SPIDR: variants seen among roughly 807,000 people sequenced by gnomAD.
SPIDR encodes the protein scaffold protein involved in DNA repair, also known as DNA repair-scaffolding protein.
In SPIDR, 93 loss-of-function variants were observed where a neutral mutation model predicts 104.6. The observed-to-expected ratio is 0.89, with a 90% confidence interval of 0.75 to 1.06. The LOEUF (loss-of-function observed/expected upper bound fraction) is 1.06, where lower values mean the gene tolerates loss of function less well. SPIDR is among the 50% of genes least tolerant of loss of function. The probability of loss-of-function intolerance (pLI) is 0.00; values close to 1 mark genes in which losing one functional copy is unlikely to be tolerated. For missense variants in SPIDR, 1,154 were observed against 1,111.2 expected (o/e 1.04, Z -0.55); for synonymous variants, 431 against 416.9 (o/e 1.03, Z -0.41).
intron 8 of SPIDR, among the ~76,000 whole-genome samples, chr8:47,489,532 C>G (rs532500602): frequency 5.3e-5 from 8 of 152,226 alleles, no homozygotes; most frequent in Admixed American, 5.2e-4. Context: ...CAAAAAAGAG[C>G]CACATTGCCA....
At chr8:47,384,993 GTTTC>G (rs2059722607) in intron 5 of SPIDR, among the ~76,000 whole-genome samples, 1 of 151,566 alleles carries the variant, frequency 6.6e-6, no homozygotes, top group Admixed American at 6.6e-5. Flanking sequence ...GTTTTGTTTT[GTTTC>G]CTCTTTTGTC....
chr8:47,451,581 A>AACACAC (rs56269650), intron 8 of SPIDR, among the ~76,000 whole-genome samples: 13 of 148,136 alleles, frequency 8.8e-5, no homozygotes, highest in African/African-American at 2.7e-4. Flanking sequence ...ACCCTGCCAA[A>AACACAC]ACACACACAC....
intron 5 of SPIDR, among the ~76,000 whole-genome samples, chr8:47,309,490 T>C (rs2043731445): frequency 6.6e-6 from 1 of 152,222 alleles, no homozygotes; most frequent in Non-Finnish European, 1.5e-5. Flanking sequence ...ATATTTTATC[T>C]TTTCATCATC....
chr8:47,649,317 A>G (rs753950561), intron 10 of SPIDR, among the ~76,000 whole-genome samples: 1 of 152,096 alleles, frequency 6.6e-6, no homozygotes, highest in Non-Finnish European at 1.5e-5. Flanking sequence ...TATTTTTACC[A>G]ATGATAGATC....
At chr8:47,432,046 ACTC>A (rs2067453192) in intron 7 of SPIDR, among the ~76,000 whole-genome samples, 6 of 152,192 alleles carry the variant, frequency 3.9e-5, no homozygotes, top group Admixed American at 3.3e-4. Context: ...TATAAGATTT[ACTC>A]AGAATTAAAA....
intron 10 of SPIDR, among the ~76,000 whole-genome samples, chr8:47,629,773 A>G (rs1563364579): frequency 6.6e-6 from 1 of 152,256 alleles, no homozygotes; most frequent in Non-Finnish European, 1.5e-5. Context: ...AACTTTATGT[A>G]TAAAAATCGG....
In SPIDR at chr8:47,396,619, C is replaced by A; in HGVS notation, c.769C>A (p.Leu257Ile). 1 of 1,611,420 alleles carries A rather than the reference C, an allele frequency of 6.2e-7. No individual in the cohort carries two copies. The highest frequency in any genetic ancestry group is 8.5e-7 in the Non-Finnish European group (1 of 1,179,160). ...TCCAGAAAATTCAGCAAAGAAGAAGCTTTTAAGGTTAAATTATACCCTTTT... is the reference window on the plus strand; with the variant it reads ...TCCAGAAAATTCAGCAAAGAAGAAGATTTTAAGGTTAAATTATACCCTTTT... ...RTPENSAKKK[L>I]LRGGLAERLN... The change falls in exon 6 of 20, where the codon CTT becomes ATT. Residue 257 changes from leucine to isoleucine, a missense_variant. Coordinates refer to ENST00000297423, the MANE Select transcript of SPIDR (RefSeq NM_001080394.4).
intron 10 of SPIDR, among the ~76,000 whole-genome samples, chr8:47,600,208 A>G (rs2062089532): frequency 6.6e-6 from 1 of 152,236 alleles, no homozygotes; most frequent in Non-Finnish European, 1.5e-5. Context: ...TAGTGAAGAA[A>G]TAGTACTTAA....
chr8:47,282,203 A>C (rs1307532173), intron 2 of SPIDR, among the ~76,000 whole-genome samples: 1 of 152,242 alleles, frequency 6.6e-6, no homozygotes, highest in Non-Finnish European at 1.5e-5. Flanking sequence ...ATTTATCATA[A>C]GGGCGCTAGG....
At chr8:47,315,394 G>T (rs942644916) in intron 5 of SPIDR, among the ~76,000 whole-genome samples, 13 of 152,000 alleles carry the variant, frequency 8.6e-5, no homozygotes, top group Admixed American at 2.0e-4. Flanking sequence ...ATTTAAAGTA[G>T]AAACCAATAG....
chr8:47,533,943 A>C (rs2086471116), intron 8 of SPIDR, among the ~76,000 whole-genome samples: 1 of 152,208 alleles, frequency 6.6e-6, no homozygotes, highest in East Asian at 1.9e-4. Flanking sequence ...CTGTGTCCCC[A>C]CCCAAATCTC....
chr8:47,625,304 G>C (rs1421516693), intron 10 of SPIDR, among the ~76,000 whole-genome samples: 3 of 152,178 alleles, frequency 2.0e-5, no homozygotes, highest in African/African-American at 7.2e-5. Flanking sequence ...AAAACTGGAA[G>C]CATTTCCTTT....
chr8:47,295,214 A>T (rs2040621735), intron 5 of SPIDR, among the ~76,000 whole-genome samples: 1 of 152,138 alleles, frequency 6.6e-6, no homozygotes, highest in African/African-American at 2.4e-5. Context: ...GAACATACAG[A>T]GTATATTTAT....
intron 5 of SPIDR, among the ~76,000 whole-genome samples, chr8:47,389,894 G>T (rs1038605081): frequency 2.0e-5 from 3 of 151,954 alleles, no homozygotes; most frequent in South Asian, 2.1e-4. Flanking sequence ...ACAATTTTCT[G>T]ACCACCTTCT....
At chr8:47,599,275 C>G in intron 10 of SPIDR, 79 bp downstream of exon 10, 1 of 1,551,830 alleles carries the variant, frequency 6.4e-7, no homozygotes, top group Non-Finnish European at 8.8e-7. Context: ...AGCCTCTTCT[C>G]AGAGCACGTT....
At chr8:47,692,790 A>G (rs1267037563) in intron 11 of SPIDR, among the ~76,000 whole-genome samples, 1 of 152,218 alleles carries the variant, frequency 6.6e-6, no homozygotes, top group Non-Finnish European at 1.5e-5. Context: ...TTCATGACAT[A>G]GATACATCAA....
At chr8:47,405,094 T>C (rs2062529277) in intron 6 of SPIDR, among the ~76,000 whole-genome samples, 1 of 152,014 alleles carries the variant, frequency 6.6e-6, no homozygotes. Context: ...CTGAGGAAAC[T>C]GTCGCAGGGA....
At chr8:47,591,381 G>A (rs568842832) in intron 8 of SPIDR, among the ~76,000 whole-genome samples, 9 of 151,314 alleles carry the variant, frequency 5.9e-5, no homozygotes, top group Admixed American at 1.3e-4. Context: ...ACCAGTTTCC[G>A]TGAAGTATAG....
At chr8:47,632,379 C>T (rs1298558549) in intron 10 of SPIDR, among the ~76,000 whole-genome samples, 1 of 152,168 alleles carries the variant, frequency 6.6e-6, no homozygotes, top group Non-Finnish European at 1.5e-5. Context: ...TTTCACTGCA[C>T]TCACAGCCCA....
Sources: gnomAD v4.1 joint callset for allele counts (sites outside exome capture counted in the v4.1 genomes callset) on GRCh38, gnomAD v4.1.1 for gene constraint, MANE v1.5 for transcripts, NCBI Gene and HGNC (gene_info 2026-07-23, HGNC 2026-07-21) for gene names.